TCOF1: variants seen among roughly 807,000 people sequenced by gnomAD.
The protein encoded by TCOF1 is treacle ribosome biogenesis factor 1, also known as treacle protein.
A neutral mutation model predicts 149.0 loss-of-function variants in TCOF1; 33 were observed. The ratio of observed to expected loss-of-function variants is 0.22; its 90% confidence interval spans 0.17 to 0.30. The LOEUF is 0.30. TCOF1 is among the 10% of genes least tolerant of loss of function. The probability of loss-of-function intolerance (pLI) is 1.00; values close to 1 mark genes in which losing one functional copy is unlikely to be tolerated. For synonymous variants in TCOF1, 789 were observed against 738.8 expected (o/e 1.07, Z -1.10); for missense variants, 1,728 against 1,840.7 (o/e 0.94, Z 1.12).
intron 24 of TCOF1, 58 bp from the exon 25 acceptor site, chr5:150,398,296 G>A: frequency 6.2e-7 from 1 of 1,608,996 alleles, no homozygotes; most frequent in Non-Finnish European, 8.5e-7. Flanking sequence ...TCCCAACATT[G>A]ACCCCAGCAC....
At chr5:150,379,829 T>C (rs2150824773) in intron 17 of TCOF1, 97 bp downstream of exon 17, 1 of 1,470,084 alleles carries the variant, frequency 6.8e-7, no homozygotes, top group South Asian at 1.2e-5. Flanking sequence ...CCTAGCACTT[T>C]GGGAGGCCGA....
At chr5:150,387,616 C>G (rs755756743) in intron 17 of TCOF1, among the ~76,000 whole-genome samples, 5 of 152,222 alleles carry the variant, frequency 3.3e-5, no homozygotes, top group Non-Finnish European at 7.3e-5. Flanking sequence ...CCCTTTCCCT[C>G]TGGGCTTGTG....
At chr5:150,384,620 A>C (rs538156645) in intron 17 of TCOF1, 1 of 985,360 alleles carries the variant, frequency 1.0e-6, no homozygotes, top group Admixed American at 6.1e-5. Flanking sequence ...ATTAAAATGA[A>C]CATCCTGCTT....
intron 6 of TCOF1, among the ~76,000 whole-genome samples, chr5:150,370,160 T>C (rs894084664): frequency 2.6e-4 from 39 of 152,090 alleles, no homozygotes; most frequent in African/African-American, 8.9e-4. Flanking sequence ...CTGGGGAATA[T>C]AGTGATGAGC....
chr5:150,393,741 C>A, intron 23 of TCOF1, 189 bp downstream of exon 23: 1 of 763,794 alleles, frequency 1.3e-6, no homozygotes, highest in Non-Finnish European at 2.1e-6. Context: ...GGGCCAGGTG[C>A]AGTGGCTCAT....
chr5:150,383,059 C>A, intron 17 of TCOF1: 1 of 1,534,916 alleles, frequency 6.5e-7, no homozygotes, highest in Non-Finnish European at 8.7e-7. Context: ...CTTGTCCCCT[C>A]AGAAGGACAG....
intron 20 of TCOF1, 86 bp downstream of exon 20, chr5:150,391,743 G>A: frequency 3.0e-6 from 4 of 1,342,356 alleles, no homozygotes; most frequent in Non-Finnish European, 4.2e-6. Context: ...GCACTCATCT[G>A]CCCCATGACC....
intron 6 of TCOF1, among the ~76,000 whole-genome samples, chr5:150,371,614 C>T (rs963994953): frequency 1.3e-5 from 2 of 152,126 alleles, no homozygotes; most frequent in African/African-American, 2.4e-5. Flanking sequence ...AACTCCTGGC[C>T]CTCAGGAGGG....
Position 150,372,269 on chromosome 5 carries a change from A to G in TCOF1, c.870+33A>G, listed in dbSNP as rs775930016. The G allele has an allele frequency of 3.8e-6, 6 of 1,570,762 alleles. No homozygotes were observed. The Admixed American group carries it at 1.1e-4, about 29-fold the overall frequency. ...CTGGAGGAGGGCTGCCCCTTGGAGG[A>G]CCTGCGGGTCCCCCAGCAGCCTGAG... On this transcript the variant is annotated intron_variant, in intron 7 of 26. Transcript: ENST00000643257.
At chr5:150,368,012 A>G in intron 4 of TCOF1, 95 bp downstream of exon 4, 2 of 1,383,034 alleles carry the variant, frequency 1.4e-6, no homozygotes, top group Non-Finnish European at 2.0e-6. Context: ...GGTTGTGAGT[A>G]ATTGCCCCAC....
Position 150,376,076 on chromosome 5 carries a change from C to G in TCOF1, c.1894-6C>G, listed in dbSNP as rs753406683. 10 of 1,613,984 alleles carry G rather than the reference C, an allele frequency of 6.2e-6. No homozygotes were observed. Among genetic ancestry groups the G allele is most frequent in the Admixed American group, 1.7e-5 (1 of 60,008 alleles). On this transcript the variant is annotated splice_polypyrimidine_tract_variant and splice_region_variant and intron_variant, in intron 12 of 26. Transcript: ENST00000643257. The stretch of plus-strand genomic sequence containing the variant: ...CTTCTCCAGCCTTTCTTTGGTGTCC[C>G]CTCAGGCAAAACCAGCTCTGAAAAT...
In TCOF1 at chr5:150,357,709, G is replaced by C. The variant is rs1360999752; in HGVS notation, c.-38G>C. 6.6e-7 allele frequency: 1 copy of C among 1,524,924 alleles called. No homozygotes were observed. The highest frequency in any genetic ancestry group is 8.9e-7 in the Non-Finnish European group (1 of 1,128,908). The allele number at this position is 1,524,924 out of a possible 1,614,324, so 94.5% of individuals were successfully genotyped here. ...GGAAGTGGCGGGCGGGGACTAAGGC[G>C]GGGCGTGCAGGTAGCCGGCCGGCCG... is the stretch of plus-strand genomic sequence containing the variant. On this transcript the variant is annotated 5_prime_UTR_variant, in exon 1 of 27. Transcript: ENST00000643257.
rs1766585507 is a variant in TCOF1, at chr5:150,387,819, T to TA, written c.2860-79dup. 2.5e-6 allele frequency: 4 copies of TA among 1,596,006 alleles called. No individual in the cohort carries two copies. In the African/African-American group the frequency reaches 5.4e-5, roughly 21 times the overall value. ...TGAGCTCAGTGGACCCTTTGCCTTG[T>TA]AAAACACTCCCTAACCCCATCACCT... On this transcript the variant is annotated intron_variant, in intron 17 of 26. Coordinates refer to ENST00000643257, the MANE Select transcript of TCOF1 (RefSeq NM_001371623.1).
At chr5:150,371,873 C>T in intron 6 of TCOF1, 133 bp from the exon 7 acceptor site, 1 of 797,068 alleles carries the variant, frequency 1.3e-6, no homozygotes, top group Non-Finnish European at 2.1e-6. Flanking sequence ...AAGCTAATAG[C>T]CGTCTCAGGG....
At position 150,376,529 on chromosome 5, in the gene TCOF1, C is replaced by T. The variant is rs746966614; in HGVS notation, c.2249C>T (p.Thr750Ile). 38 of 1,610,956 alleles carry T rather than the reference C, an allele frequency of 2.4e-5. No homozygotes were observed. Among genetic ancestry groups the T allele is most frequent in the Non-Finnish European group, 3.1e-5 (37 of 1,178,552 alleles). The change falls in exon 14 of 27, where the codon ACA becomes ATA. Residue 750 changes from threonine (T) to isoleucine (I), a missense_variant. Around this residue, in one of 2 missense-constraint regions of TCOF1, gnomAD observed 1,696 missense variants for 1,765.4 expected, o/e 0.96. Transcript: ENST00000643257. The part of the protein sequence containing the change: ...APVLPGKTGP[T>I]VTQVKAEKQE... The stretch of plus-strand genomic sequence containing the variant: ...GTACTCCCTGGGAAGACGGGGCCTA[C>T]AGTCACCCAGGTGAAAGCTGAAAAG...
rs571075413 is a variant in TCOF1, at chr5:150,396,212, C to T, written c.3785-70C>T. 1.6e-4 allele frequency: 247 copies of T among 1,557,530 alleles called. No homozygotes were observed. The African/African-American group carries it at 2.6e-3, about 16-fold the overall frequency. ...ATGGAGTCACTCCCTGCACCCTCTTCGCTCTTAGGTACCATAAGATCTGTC... is the reference window on the plus strand; with the variant it reads ...ATGGAGTCACTCCCTGCACCCTCTTTGCTCTTAGGTACCATAAGATCTGTC... On this transcript the variant is annotated intron_variant, in intron 23 of 26. Coordinates refer to ENST00000643257, the MANE Select transcript of TCOF1 (RefSeq NM_001371623.1).
At chr5:150,393,978 T>G in intron 23 of TCOF1, 1 of 262,406 alleles carries the variant, frequency 3.8e-6, no homozygotes. Context: ...GCCACTACAC[T>G]CCAGCCAGGG....
chr5:150,398,025 C>T (rs554982477), intron 24 of TCOF1, among the ~76,000 whole-genome samples: 1 of 152,292 alleles, frequency 6.6e-6, no homozygotes, highest in African/African-American at 2.4e-5. Context: ...CAAGCTCAAG[C>T]GATCCTCTTG....
At chr5:150,392,820 A>G (rs865820350) in intron 22 of TCOF1, 30 bp downstream of exon 22, 1 of 1,610,836 alleles carries the variant, frequency 6.2e-7, no homozygotes. Flanking sequence ...CTGGCAGCCC[A>G]TAGGCCTTAG....
Sources: gnomAD v4.1 joint callset for allele counts (sites outside exome capture counted in the v4.1 genomes callset) on GRCh38, gnomAD v4.1.1 for gene constraint, gnomAD v4.1.1 regional missense constraint, MANE v1.5 for transcripts, NCBI Gene and HGNC (gene_info 2026-07-23, HGNC 2026-07-21) for gene names.